CCSER2: variants seen among roughly 807,000 people sequenced by gnomAD.
CCSER2 encodes coiled-coil serine rich protein 2, also known as serine-rich coiled-coil domain-containing protein 2.
A neutral mutation model predicts 92.3 loss-of-function variants in CCSER2; 46 were observed. That is an observed-to-expected ratio of 0.50 (90% CI 0.39 to 0.64). The LOEUF is 0.64. Ranked by LOEUF, CCSER2 falls within the 30% of genes least tolerant of loss-of-function variation. CCSER2 has a pLI of 0.00. For missense variants in CCSER2, 1,244 were observed against 1,238.9 expected (o/e 1.00, Z -0.06); for synonymous variants, 433 against 431.4 (o/e 1.00, Z -0.04).
chr10:84,385,813 TGTGAGAAA>T (rs1456614498), intron 3 of CCSER2, among the ~76,000 whole-genome samples: 2 of 152,020 alleles, frequency 1.3e-5, no homozygotes, highest in Non-Finnish European at 2.9e-5. Context: ...ACCTACAGAA[TGTGAGAAA>T]ATATTTCCAA....
chr10:84,329,959 T>C (rs1470564368), intron 1 of CCSER2, among the ~76,000 whole-genome samples: 1 of 152,244 alleles, frequency 6.6e-6, no homozygotes, highest in Non-Finnish European at 1.5e-5. Context: ...TTGAACCCTT[T>C]AGCCATAATT....
At position 84,332,192 on chromosome 10, in the gene CCSER2, T is replaced by G. The variant is rs947341528; in HGVS notation, c.-40+3384T>G. Among the ~76,000 whole-genome samples the G allele has an allele frequency of 2.0e-5, 3 of 152,016 alleles. 1 individual carries two copies. Among genetic ancestry groups the G allele is most frequent in the Admixed American group, 2.0e-4 (3 of 15,248 alleles). ...TTTTTAAAAATGAGGATAAGGTTCC[T>G]TGCAGTTTAACATCATAGTCCATAA... On this transcript the variant is annotated intron_variant, in intron 1 of 9. Transcript: ENST00000372088.
intron 1 of CCSER2, among the ~76,000 whole-genome samples, chr10:84,341,172 C>T (rs532863997): frequency 2.7e-5 from 4 of 150,616 alleles, no homozygotes; most frequent in African/African-American, 9.8e-5. Context: ...GCTGGGACTA[C>T]AAGCGTGTGC....
chr10:84,456,384 A>G (rs1162997484), intron 6 of CCSER2, among the ~76,000 whole-genome samples: 1 of 152,180 alleles, frequency 6.6e-6, no homozygotes, highest in Non-Finnish European at 1.5e-5. Context: ...GCAACTTGAA[A>G]TATTCATTTA....
intron 1 of CCSER2, among the ~76,000 whole-genome samples, chr10:84,359,509 G>A (rs1845385402): frequency 6.6e-6 from 1 of 152,168 alleles, no homozygotes; most frequent in African/African-American, 2.4e-5. Context: ...TCTAAGGTAA[G>A]GCCTTAGAAA....
intron 6 of CCSER2, among the ~76,000 whole-genome samples, chr10:84,459,153 A>C (rs986447249): frequency 1.3e-5 from 2 of 152,068 alleles, no homozygotes; most frequent in Non-Finnish European, 2.9e-5. Flanking sequence ...AATTACAGGC[A>C]TGTGCCACCA....
At position 84,515,768 on chromosome 10, in the gene CCSER2, ATTTTG is replaced by A. The variant is rs995938333; in HGVS notation, c.*1506_*1510del. The A allele has an allele frequency of 6.6e-6, 1 of 152,186 alleles. No individual in the cohort carries two copies. Among genetic ancestry groups the A allele is most frequent in the Admixed American group, 6.5e-5 (1 of 15,274 alleles). The allele number at this position is 152,186 out of a possible 1,614,324, so 9.4% of individuals were successfully genotyped here. On this transcript the variant is annotated 3_prime_UTR_variant, in exon 10 of 10. Transcript: ENST00000372088. ...AAAAAAATAGAATTGAAGATGGGAA[ATTTTG>A]TTTTATTAAAAAGGTGCTAGAAGAT...
chr10:84,454,166 A>G (rs1274710144), intron 6 of CCSER2, among the ~76,000 whole-genome samples: 1 of 152,048 alleles, frequency 6.6e-6, no homozygotes, highest in African/African-American at 2.4e-5. Flanking sequence ...TCTACCTTCT[A>G]ATGGTTACCA....
intron 1 of CCSER2, among the ~76,000 whole-genome samples, chr10:84,347,839 C>T (rs1194041370): frequency 6.6e-6 from 1 of 151,672 alleles, no homozygotes; most frequent in Non-Finnish European, 1.5e-5. Flanking sequence ...CAGAGGCGCT[C>T]CTCACATCCC....
At chr10:84,455,994 G>A (rs906950433) in intron 6 of CCSER2, 3 of 567,562 alleles carry the variant, frequency 5.3e-6, no homozygotes, top group African/African-American at 1.9e-5. Context: ...TCCTTTCCTA[G>A]TAGCCTTCTC....
intron 3 of CCSER2, among the ~76,000 whole-genome samples, chr10:84,416,740 A>G (rs747819604): frequency 6.6e-6 from 1 of 152,126 alleles, no homozygotes; most frequent in Non-Finnish European, 1.5e-5. Flanking sequence ...CATCCTGGCC[A>G]ACACAGTGAA....
At chr10:84,338,844 A>G (rs1046089752) in intron 1 of CCSER2, among the ~76,000 whole-genome samples, 1 of 152,218 alleles carries the variant, frequency 6.6e-6, no homozygotes, top group African/African-American at 2.4e-5. Context: ...TTGAAAGCAC[A>G]TATTACAGTT....
chr10:84,381,852 G>A (rs1427946015), intron 3 of CCSER2, among the ~76,000 whole-genome samples: 2 of 150,944 alleles, frequency 1.3e-5, no homozygotes, highest in African/African-American at 2.4e-5. Flanking sequence ...GAACCCGGGC[G>A]GCAGAGGTTG....
chr10:84,438,999 G>A (rs1844357675), intron 6 of CCSER2, among the ~76,000 whole-genome samples: 1 of 152,092 alleles, frequency 6.6e-6, no homozygotes, highest in African/African-American at 2.4e-5. Context: ...GTTGTTGAGA[G>A]AATTAGAAAT....
At chr10:84,451,783 C>T (rs1255984865) in intron 6 of CCSER2, among the ~76,000 whole-genome samples, 1 of 152,102 alleles carries the variant, frequency 6.6e-6, no homozygotes, top group Non-Finnish European at 1.5e-5. Flanking sequence ...AACTTGGATG[C>T]CAGATAGATA....
chr10:84,403,124 A>G (rs1842205282), intron 3 of CCSER2, among the ~76,000 whole-genome samples: 1 of 152,092 alleles, frequency 6.6e-6, no homozygotes, highest in Non-Finnish European at 1.5e-5. Context: ...AGATCAATGG[A>G]ACGGAATAGA....
rs7081748 is a variant in CCSER2 at position 84,395,728 on chromosome 10, A to G, written c.1614+21913A>G. 7.0e-3 allele frequency among the ~76,000 whole-genome samples: 1,061 copies of G among 152,338 alleles called. 10 individuals carry two copies. Among genetic ancestry groups the G allele is most frequent in the African/African-American group, 0.024 (998 of 41,580 alleles). ...AGTACATGGTGAAGGAGAAAATAGC[A>G]TGATAACATTAGACCAACCATTGGG... is the stretch of plus-strand genomic sequence containing the variant. On this transcript the variant is annotated intron_variant, in intron 3 of 9. Coordinates refer to ENST00000372088, the MANE Select transcript of CCSER2 (RefSeq NM_001284240.2).
intron 1 of CCSER2, among the ~76,000 whole-genome samples, chr10:84,345,908 T>C (rs895750702): frequency 1.4e-4 from 22 of 152,230 alleles, no homozygotes; most frequent in Admixed American, 1.1e-3. Flanking sequence ...CTAGAAGTTA[T>C]GTCTCCTTTG....
In CCSER2 at chr10:84,515,350, A is replaced by C. The variant is rs1849561780; in HGVS notation, c.*1083A>C. 6.6e-6 allele frequency: 1 copy of C among 152,604 alleles called. No individual in the cohort carries two copies. Among genetic ancestry groups the C allele is most frequent in the South Asian group, 2.1e-4 (1 of 4,830 alleles). The allele number at this position is 152,604 out of a possible 1,614,324, so 9.5% of individuals were successfully genotyped here. ...TATTTTGAGAAAAATAACAAATTTAAATAAGACTATCTTGAGAAAGCTGGA... is the reference window on the plus strand; with the variant it reads ...TATTTTGAGAAAAATAACAAATTTACATAAGACTATCTTGAGAAAGCTGGA... On this transcript the variant is annotated 3_prime_UTR_variant, in exon 10 of 10. Transcript: ENST00000372088.
Sources: allele counts gnomAD v4.1 joint callset (sites outside exome capture counted in the v4.1 genomes callset), GRCh38; gene constraint gnomAD v4.1.1; transcripts MANE v1.5; gene names NCBI Gene and HGNC (gene_info 2026-07-23, HGNC 2026-07-21).